C6: variants seen among roughly 807,000 people sequenced by gnomAD.
C6 encodes the protein complement C6.
C6 carries 101 observed loss-of-function variants against 112.9 expected under a neutral mutation model. The ratio of observed to expected loss-of-function variants is 0.89; its 90% CI spans 0.76 to 1.06. The LOEUF (loss-of-function observed/expected upper bound fraction) is 1.06. Among genes scored for constraint, C6 ranks in the 50% least tolerant of loss-of-function variants. The probability of loss-of-function intolerance (pLI) is 0.00; values close to 1 mark genes in which losing one functional copy is unlikely to be tolerated. For missense variants in C6, 1,202 were observed against 1,104.6 expected (o/e 1.09, Z -1.25); for synonymous variants, 431 against 384.1 (o/e 1.12, Z -1.43).
chr5:41,229,812 C>A (rs770248826), intron 1 of C6, among the ~76,000 whole-genome samples: 11 of 152,106 alleles, frequency 7.2e-5, no homozygotes, highest in Non-Finnish European at 1.3e-4. Flanking sequence ...GCAGTTTATT[C>A]TTTCAGTTCT....
chr5:41,223,875 A>T (rs1285911602), intron 1 of C6, among the ~76,000 whole-genome samples: 1 of 152,120 alleles, frequency 6.6e-6, no homozygotes, highest in Non-Finnish European at 1.5e-5. Context: ...CTATTTAGTT[A>T]TCATATCTAT....
At chr5:41,209,203 T>C (rs1751692344) in intron 1 of C6, among the ~76,000 whole-genome samples, 1 of 152,144 alleles carries the variant, frequency 6.6e-6, no homozygotes, top group Non-Finnish European at 1.5e-5. Flanking sequence ...ATAAACTAGG[T>C]ATTGATGGGA....
At chr5:41,151,594 A>G (rs975671601) in intron 15 of C6, among the ~76,000 whole-genome samples, 17 of 152,152 alleles carry the variant, frequency 1.1e-4, no homozygotes, top group Admixed American at 8.5e-4. Flanking sequence ...AAAGATTTAA[A>G]TCTGTTATTT....
chr5:41,224,323 C>T (rs1254361625), intron 1 of C6, among the ~76,000 whole-genome samples: 1 of 152,112 alleles, frequency 6.6e-6, no homozygotes, highest in South Asian at 2.1e-4. Context: ...CAGAGATGTG[C>T]AGCCAGCACC....
chr5:41,188,254 CT>C (rs1050915036), intron 5 of C6, among the ~76,000 whole-genome samples: 1 of 151,992 alleles, frequency 6.6e-6, no homozygotes, highest in African/African-American at 2.4e-5. Flanking sequence ...TCTCAGCTGC[CT>C]TTTTTTGGTA....
intron 1 of C6, among the ~76,000 whole-genome samples, chr5:41,205,130 T>G (rs1311158366): frequency 2.0e-5 from 3 of 152,192 alleles, no homozygotes; most frequent in African/African-American, 7.2e-5. Context: ...TATCACTGTC[T>G]GGGAGGGTAG....
chr5:41,224,436 A>G (rs1262462763), intron 1 of C6, among the ~76,000 whole-genome samples: 1 of 152,162 alleles, frequency 6.6e-6, no homozygotes, highest in Non-Finnish European at 1.5e-5. Flanking sequence ...CTTAGGCACT[A>G]CCAATCTACT....
rs79758677 is a variant in C6 at position 41,191,459 on chromosome 5, G to A, written c.587+4333C>T. ...TCTATTGCTGTAAAGCAAGTCATTC[G>A]TGTTTTAATAGGGATTACCTTGAAT... On this transcript the variant is annotated intron_variant, in intron 5 of 17. Coordinates refer to ENST00000337836, the MANE Select transcript of C6 (RefSeq NM_000065.5). Among the ~76,000 whole-genome samples, 333 of 152,258 alleles carry A rather than the reference G, an allele frequency of 2.2e-3. 1 individual carries two copies. Among genetic ancestry groups the A allele is most frequent in the African/African-American group, 7.6e-3 (317 of 41,554 alleles).
intron 1 of C6, among the ~76,000 whole-genome samples, chr5:41,255,316 G>T (rs979112654): frequency 1.3e-5 from 2 of 149,634 alleles, no homozygotes; most frequent in East Asian, 4.0e-4. Flanking sequence ...AGCCGAGATC[G>T]CCCCACTGCA....
intron 13 of C6, among the ~76,000 whole-genome samples, chr5:41,157,782 T>G (rs1747058818): frequency 1.3e-5 from 2 of 152,204 alleles, no homozygotes; most frequent in East Asian, 3.8e-4. Flanking sequence ...CCAGGTCCTT[T>G]GGCGCATTGT....
In C6 at chr5:41,162,301, T is replaced by A. The variant is rs115665364; in HGVS notation, c.1292-442A>T. 3.3e-3 allele frequency among the ~76,000 whole-genome samples: 504 copies of A among 152,346 alleles called. 3 individuals carry two copies. The highest frequency in any genetic ancestry group is 4.3e-3 in the Non-Finnish European group (292 of 68,028). On this transcript the variant is annotated intron_variant, in intron 9 of 17. Transcript: ENST00000337836. ...CCTGCTTCTGATTTATGTTAGCATA[T>A]GTTTTGGGTGCCCAGAATAAGATAA... is the stretch of plus-strand genomic sequence containing the variant.
At chr5:41,154,118 G>T (rs2150245284) in intron 14 of C6, 120 bp from the exon 15 acceptor site, 1 of 819,904 alleles carries the variant, frequency 1.2e-6, no homozygotes, top group Admixed American at 2.0e-5. Context: ...TTCAGCTTTG[G>T]TGCCTCCTTT....
At chr5:41,241,493 G>A (rs1309440311) in intron 1 of C6, among the ~76,000 whole-genome samples, 1 of 152,190 alleles carries the variant, frequency 6.6e-6, no homozygotes, top group African/African-American at 2.4e-5. Context: ...CCTGGACATA[G>A]ACTAAAGACT....
chr5:41,206,740 C>T (rs1751466987), intron 1 of C6, among the ~76,000 whole-genome samples: 1 of 152,304 alleles, frequency 6.6e-6, no homozygotes, highest in Admixed American at 6.5e-5. Context: ...AAGACCAAAT[C>T]TACGTCTGAT....
intron 1 of C6, among the ~76,000 whole-genome samples, chr5:41,234,338 G>GTTTTTTTTTTTT (rs544459678): frequency 3.1e-5 from 4 of 127,768 alleles, no homozygotes; most frequent in African/African-American, 1.2e-4. Context: ...CTACCCTTTC[G>GTTTTTTTTTTTT]TTTTTTTTTT....
intron 8 of C6, among the ~76,000 whole-genome samples, chr5:41,173,307 C>T (rs1485713369): frequency 1.3e-5 from 2 of 152,178 alleles, no homozygotes; most frequent in African/African-American, 4.8e-5. Context: ...AAGATTTGGG[C>T]ATCTGAACCA....
chr5:41,240,311 A>C lies in C6; in HGVS notation c.-21+20883T>G, dbSNP rs113480612. On this transcript the variant is annotated intron_variant, in intron 1 of 17. Coordinates refer to the C6 transcript ENST00000263413. The stretch of plus-strand genomic sequence containing the variant: ...AAGAATGCCTGTTCTTGGACCCCTG[A>C]GCAGTGTACACAGCCACTGGTGGTA... 4.4e-3 allele frequency among the ~76,000 whole-genome samples: 667 copies of C among 152,186 alleles called. 4 individuals carry two copies. Among genetic ancestry groups the C allele is most frequent in the African/African-American group, 0.015 (636 of 41,532 alleles).
chr5:41,150,127 T>C (rs1746245240), intron 15 of C6, 102 bp from the exon 16 acceptor site: 2 of 783,690 alleles, frequency 2.6e-6, no homozygotes, highest in African/African-American at 3.4e-5. Flanking sequence ...TTCATATTTA[T>C]CTCTTGGAGT....
rs184905306 is a variant in C6, at chr5:41,210,098, C to G, written c.-21+3278G>C. ...GCCATCTGATCTTTGACAAATCTGA[C>G]AAAAACAAGCAATGGGGAAAGGATT... On this transcript the variant is annotated intron_variant, in intron 1 of 17. Coordinates refer to ENST00000337836, the MANE Select transcript of C6 (RefSeq NM_000065.5). Among the ~76,000 whole-genome samples the G allele has an allele frequency of 3.3e-5, 5 of 152,206 alleles. No individual in the cohort carries two copies. The East Asian group carries it at 9.7e-4, about 29-fold the overall frequency.
Sources: allele counts gnomAD v4.1 joint callset (sites outside exome capture counted in the v4.1 genomes callset), GRCh38; gene constraint gnomAD v4.1.1; transcripts MANE v1.5; gene names NCBI Gene and HGNC (gene_info 2026-07-23, HGNC 2026-07-21).